The following CERK variants were observed in gnomAD, a reference collection of about 807,000 sequenced individuals.
CERK encodes ceramide kinase, also known as acylsphingosine kinase.
Under a neutral mutation model 63.4 loss-of-function variants are expected in CERK, and 39 were observed. The observed-to-expected ratio is 0.61, with a 90% CI of 0.48 to 0.80. The LOEUF (loss-of-function observed/expected upper bound fraction) is 0.80, where lower values mean the gene tolerates loss of function less well. CERK is among the 30% of genes least tolerant of loss of function. CERK has a pLI of 0.00. For synonymous variants in CERK, 302 were observed against 280.0 expected (o/e 1.08, Z -0.78); for missense variants, 670 against 714.1 (o/e 0.94, Z 0.70).
At chr22:46,693,756 C>CA in intron 9 of CERK, 2 of 431,310 alleles carry the variant, frequency 4.6e-6, no homozygotes, top group Non-Finnish European at 8.6e-6. Flanking sequence ...GCTGAGGTGC[C>CA]ACCTGGAGAC....
chr22:46,727,456 T>C (rs1444075041), intron 1 of CERK, among the ~76,000 whole-genome samples: 1 of 151,130 alleles, frequency 6.6e-6, no homozygotes, highest in African/African-American at 2.4e-5. Flanking sequence ...TTTCTTTTTT[T>C]TTTTTTTTTT....
rs2082732378 is a variant in CERK, at chr22:46,691,676, C to A, written c.1228G>T (p.Ala410Ser). The change falls in exon 11 of 13, where the codon GCT (alanine) becomes TCT (serine). Residue 410 changes from alanine (A) to serine (S), a missense_variant. Physicochemically the swap from Ala to Ser is moderately conservative, Grantham distance 99. Transcript: ENST00000216264. ...GAAGACCCGTCTCCCAAGTGGGCAGCCGGGGAGAGGCCCCTGGGGCTCCGG... is the reference window on the plus strand; with the variant it reads ...GAAGACCCGTCTCCCAAGTGGGCAGACGGGGAGAGGCCCCTGGGGCTCCGG... ...CRRSPRGLSP[A>S]AHLGDGSSDL... 4 of 1,613,966 alleles carry A rather than the reference C, an allele frequency of 2.5e-6. No individual in the cohort carries two copies. Among genetic ancestry groups the A allele is most frequent in the Middle Eastern group, 1.6e-4 (1 of 6,062 alleles).
intron 1 of CERK, among the ~76,000 whole-genome samples, chr22:46,733,003 T>C (rs974154863): frequency 6.6e-6 from 1 of 151,834 alleles, no homozygotes; most frequent in African/African-American, 2.4e-5. Flanking sequence ...GGTCAGGAGA[T>C]TGAGACCATC....
At chr22:46,689,175 C>T (rs1430899982) in intron 12 of CERK, among the ~76,000 whole-genome samples, 1 of 152,230 alleles carries the variant, frequency 6.6e-6, no homozygotes, top group Non-Finnish European at 1.5e-5. Context: ...GGCTGCGTGG[C>T]CTCCAGCACG....
At chr22:46,727,747 C>T (rs1227708112) in intron 1 of CERK, among the ~76,000 whole-genome samples, 3 of 152,136 alleles carry the variant, frequency 2.0e-5, no homozygotes, top group Non-Finnish European at 4.4e-5. Flanking sequence ...GTCAGCATCC[C>T]ACAGGACCAC....
Position 46,712,141 on chromosome 22 carries a change from CT to C in CERK, c.505+26del, listed in dbSNP as rs758664095. 5 of 1,613,106 alleles carry C rather than the reference CT, an allele frequency of 3.1e-6. No homozygotes were observed. In the South Asian group the frequency reaches 5.5e-5, roughly 18 times the overall value. ...ACTTGAATCATTCTCAAACTTACTT[CT>C]ACATAGTTAACATAGAATTTGTTAC... On this transcript the variant is annotated intron_variant, in intron 4 of 12. Coordinates refer to ENST00000216264, the MANE Select transcript of CERK (RefSeq NM_022766.6).
intron 6 of CERK, 72 bp downstream of exon 6, chr22:46,707,771 G>C: frequency 6.6e-7 from 1 of 1,508,940 alleles, no homozygotes; most frequent in Non-Finnish European, 9.0e-7. Context: ...AGTGTCCGAG[G>C]TGGCTACTTG....
chr22:46,727,306 G>T (rs565414726), intron 1 of CERK, among the ~76,000 whole-genome samples: 4 of 151,786 alleles, frequency 2.6e-5, no homozygotes, highest in African/African-American at 9.7e-5. Context: ...TTTGAGACAG[G>T]TCTCACTGTG....
At chr22:46,726,814 G>C (rs1434087895) in intron 1 of CERK, among the ~76,000 whole-genome samples, 1 of 151,876 alleles carries the variant, frequency 6.6e-6, no homozygotes, top group Non-Finnish European at 1.5e-5. Context: ...GCCCTTGATG[G>C]GTCTGATACA....
chr22:46,704,740 G>C (rs1173660992), intron 6 of CERK, among the ~76,000 whole-genome samples: 1 of 149,782 alleles, frequency 6.7e-6, no homozygotes, highest in Non-Finnish European at 1.5e-5. Context: ...CAGGAGAATT[G>C]CTTGAACCCA....
At chr22:46,722,354 C>T (rs2082896609) in intron 1 of CERK, among the ~76,000 whole-genome samples, 2 of 152,092 alleles carry the variant, frequency 1.3e-5, no homozygotes, top group Non-Finnish European at 2.9e-5. Flanking sequence ...GTAGTGGGGC[C>T]TCCTGATTCC....
chr22:46,731,655 C>T (rs917868482), intron 1 of CERK, among the ~76,000 whole-genome samples: 1 of 152,168 alleles, frequency 6.6e-6, no homozygotes, highest in African/African-American at 2.4e-5. Context: ...GCAGGGAGGG[C>T]AGAGGGCACC....
At chr22:46,720,339 T>C (rs1010171951) in intron 2 of CERK, 131 bp from the exon 3 acceptor site, 3 of 1,008,980 alleles carry the variant, frequency 3.0e-6, no homozygotes, top group African/African-American at 3.3e-5. Flanking sequence ...TCCTCCCTTC[T>C]AATTAGTAAC....
At position 46,686,722 on chromosome 22, in the gene CERK, A is replaced by G. The variant is rs549900376; in HGVS notation, c.*412T>C. ...AAACTTGGCCACAAACCGTTACAGA[A>G]TAAGTCCTGCAAAGTGGATCAAAGT... On this transcript the variant is annotated 3_prime_UTR_variant, in exon 13 of 13. Coordinates refer to ENST00000216264, the MANE Select transcript of CERK (RefSeq NM_022766.6). 118 of 191,070 alleles carry G rather than the reference A, an allele frequency of 6.2e-4. No homozygotes were observed. The highest frequency in any genetic ancestry group is 9.5e-4 in the Non-Finnish European group (85 of 89,830). The allele number at this position is 191,070 out of a possible 1,614,324, so 11.8% of individuals were successfully genotyped here. A position where few individuals can be genotyped will look rare whatever the true frequency, so the allele number is the denominator to read the frequency against.
intron 11 of CERK, 115 bp downstream of exon 11, chr22:46,691,457 G>T (rs78500851): frequency 1.2e-6 from 1 of 816,530 alleles, no homozygotes; most frequent in Non-Finnish European, 1.9e-6. Flanking sequence ...AAAAAAAAAA[G>T]TTTGCCCTTC....
rs569781891 is a variant in CERK, at chr22:46,711,075, G to A, written c.569+11C>T. The A allele has an allele frequency of 1.6e-4, 263 of 1,608,252 alleles. No homozygotes were observed. Among genetic ancestry groups the A allele is most frequent in the South Asian group, 1.9e-4 (17 of 90,756 alleles). ...AATGGACTTGATGGCGATGAAAGACGGCTTACTCACCCGTCGTATTTGTCT... is the reference window on the plus strand; with the variant it reads ...AATGGACTTGATGGCGATGAAAGACAGCTTACTCACCCGTCGTATTTGTCT... On this transcript the variant is annotated intron_variant, in intron 5 of 12. Coordinates refer to ENST00000216264, the MANE Select transcript of CERK (RefSeq NM_022766.6).
chr22:46,698,710 G>A (rs2082768294), intron 8 of CERK, among the ~76,000 whole-genome samples: 1 of 150,038 alleles, frequency 6.7e-6, no homozygotes. Flanking sequence ...GGGCAACAGG[G>A]CAAAACCCTT....
chr22:46,691,887 A>T, intron 10 of CERK, 110 bp from the exon 11 acceptor site: 6 of 716,242 alleles, frequency 8.4e-6, no homozygotes, highest in Non-Finnish European at 1.2e-5. Context: ...TGCATTTAGC[A>T]GACACTTCAT....
intron 10 of CERK, 109 bp from the exon 11 acceptor site, chr22:46,691,886 C>A: frequency 2.6e-4 from 173 of 676,424 alleles, no homozygotes; most frequent in Non-Finnish European, 3.6e-4. Flanking sequence ...ATGCATTTAG[C>A]AGACACTTCA....
Sources: allele counts gnomAD v4.1 joint callset (sites outside exome capture counted in the v4.1 genomes callset), GRCh38; gene constraint gnomAD v4.1.1; transcripts MANE v1.5; gene names NCBI Gene and HGNC (gene_info 2026-07-23, HGNC 2026-07-21).